Variants in OSTN observed in about 807,000 individuals in gnomAD.
The protein encoded by OSTN is osteocrin.
Under a neutral mutation model 12.0 loss-of-function variants are expected in OSTN, and 9 were observed. That is an observed-to-expected ratio of 0.75 (90% CI 0.45 to 1.30). The LOEUF is 1.30. OSTN is among the 50% of genes most tolerant of loss of function. The probability of loss-of-function intolerance (pLI) is 0.00; values close to 1 mark genes in which losing one functional copy is unlikely to be tolerated. For synonymous variants in OSTN, 59 were observed against 56.9 expected, an observed-to-expected ratio of 1.04 and a Z score of -0.16; for missense variants, 148 against 152.3, an observed-to-expected ratio of 0.97 and a Z score of 0.15.
chr3:191,240,012 C>T (rs1171690430), intron 3 of OSTN, among the ~76,000 whole-genome samples: 1 of 152,158 alleles, frequency 6.6e-6, no homozygotes, highest in African/African-American at 2.4e-5. Context: ...GCTTGATCAG[C>T]AATAAAAATG....
intron 3 of OSTN, among the ~76,000 whole-genome samples, chr3:191,234,942 G>A (rs571029147): frequency 6.6e-6 from 1 of 152,238 alleles, no homozygotes; most frequent in Admixed American, 6.5e-5. Context: ...AAAGTAGGGT[G>A]AGAAAAGGCA....
Position 191,215,390 on chromosome 3 carries a change from G to T in OSTN, c.102+2756G>T, listed in dbSNP as rs180774029. ...GCCACTTGCCCCTCCCAAATCTCAGGTCCTCACATTTCAAAACACAATCAT... is the reference window on the plus strand; with the variant it reads ...GCCACTTGCCCCTCCCAAATCTCAGTTCCTCACATTTCAAAACACAATCAT... On this transcript the variant is annotated intron_variant, in intron 2 of 4. Coordinates refer to ENST00000682035, the MANE Select transcript of OSTN (RefSeq NM_198184.2). 1.9e-3 allele frequency among the ~76,000 whole-genome samples: 290 copies of T among 152,164 alleles called. 1 individual carries two copies. The highest frequency in any genetic ancestry group is 6.5e-3 in the African/African-American group (270 of 41,524).
chr3:191,207,387 GTT>G (rs35631602), intron 1 of OSTN, among the ~76,000 whole-genome samples: 2 of 149,426 alleles, frequency 1.3e-5, no homozygotes, highest in East Asian at 1.9e-4. Flanking sequence ...CACCTGAGTT[GTT>G]TTTTTTTTGT....
In OSTN at chr3:191,265,539, A is replaced by T. The variant is rs937724771; in HGVS notation, c.*2686A>T. ...TATAAAAAGCTTTCTGAATGATATT[A>T]CCCCTTATACCTAAAGGCTCAAGAT... is the stretch of plus-strand genomic sequence containing the variant. On this transcript the variant is annotated 3_prime_UTR_variant, in exon 5 of 5. Coordinates refer to ENST00000682035, the MANE Select transcript of OSTN (RefSeq NM_198184.2). 6.6e-6 allele frequency: 1 copy of T among 152,182 alleles called. No individual in the cohort carries two copies. The highest frequency in any genetic ancestry group is 2.1e-4 in the South Asian group (1 of 4,824). The allele number at this position is 152,182 out of a possible 1,614,324, so 9.4% of individuals were successfully genotyped here. A position where few individuals can be genotyped will look rare whatever the true frequency, so the allele number is the denominator to read the frequency against.
At position 191,263,860 on chromosome 3, in the gene OSTN, G is replaced by A. The variant is rs987144385; in HGVS notation, c.*1007G>A. On this transcript the variant is annotated 3_prime_UTR_variant, in exon 5 of 5. Coordinates refer to ENST00000682035, the MANE Select transcript of OSTN (RefSeq NM_198184.2). The stretch of plus-strand genomic sequence containing the variant: ...TTATTAAAACATAAGTTTTCGTATT[G>A]TAGAAAACTCAGTTCTCAGTAATAA... 4.6e-5 allele frequency: 7 copies of A among 152,028 alleles called. No individual in the cohort carries two copies. The highest frequency in any genetic ancestry group is 2.0e-4 in the Admixed American group (3 of 15,248). 9.4% of individuals were successfully genotyped at this position (152,028 alleles called of 1,614,324 possible).
intron 1 of OSTN, among the ~76,000 whole-genome samples, chr3:191,210,126 C>T (rs542190131): frequency 6.6e-6 from 1 of 152,180 alleles, no homozygotes; most frequent in African/African-American, 2.4e-5. Flanking sequence ...GAAGCAGGCA[C>T]GTCTTCACAT....
chr3:191,251,721 C>T lies in OSTN; in HGVS notation c.*12+1588C>T, dbSNP rs181440083. Among the ~76,000 whole-genome samples, 203 of 152,346 alleles carry T rather than the reference C, an allele frequency of 1.3e-3. 1 individual carries two copies. Among genetic ancestry groups the T allele is most frequent in the Non-Finnish European group, 2.6e-3 (179 of 68,034 alleles). On this transcript the variant is annotated intron_variant, in intron 4 of 4. Transcript: ENST00000682035. ...AGAACTTACTGAATACTGCCAAGAA[C>T]ACTGCCTTTTAATCAGCATCATCTT...
chr3:191,259,013 C>T (rs554424900), intron 4 of OSTN, among the ~76,000 whole-genome samples: 1 of 152,028 alleles, frequency 6.6e-6, no homozygotes, highest in Non-Finnish European at 1.5e-5. Context: ...AGGTTGCCTA[C>T]GACGCTTAAA....
chr3:191,223,972 T>C (rs1714841184), intron 3 of OSTN, among the ~76,000 whole-genome samples: 1 of 151,798 alleles, frequency 6.6e-6, no homozygotes. Flanking sequence ...GGATGGATAA[T>C]AGTAAAAGAA....
chr3:191,244,415 A>G (rs1226493984), intron 3 of OSTN, among the ~76,000 whole-genome samples: 3 of 151,626 alleles, frequency 2.0e-5, no homozygotes, highest in Non-Finnish European at 2.9e-5. Context: ...TTAAATGCAT[A>G]TATCATATAA....
chr3:191,258,785 C>A (rs986171314), intron 4 of OSTN, among the ~76,000 whole-genome samples: 1 of 152,094 alleles, frequency 6.6e-6, no homozygotes, highest in African/African-American at 2.4e-5. Flanking sequence ...GTGTTTAAAC[C>A]GCACCGTTGT....
chr3:191,231,029 AT>A (rs1488072505), intron 3 of OSTN, among the ~76,000 whole-genome samples: 8 of 152,060 alleles, frequency 5.3e-5, no homozygotes, highest in East Asian at 1.9e-4. Context: ...CTATATTTTT[AT>A]TTTTTATAGT....
At chr3:191,224,652 C>T (rs774693157) in intron 3 of OSTN, among the ~76,000 whole-genome samples, 2 of 152,054 alleles carry the variant, frequency 1.3e-5, no homozygotes, top group Middle Eastern at 3.5e-3. Flanking sequence ...AAAACAATCA[C>T]TAACTGAAAT....
chr3:191,207,016 G>T (rs1321810344), intron 1 of OSTN, among the ~76,000 whole-genome samples: 1 of 152,114 alleles, frequency 6.6e-6, no homozygotes, highest in African/African-American at 2.4e-5. Context: ...GGTGTTGTCG[G>T]CAGGCACGCA....
intron 1 of OSTN, among the ~76,000 whole-genome samples, chr3:191,201,432 G>A (rs931820681): frequency 3.3e-4 from 50 of 151,558 alleles, no homozygotes; most frequent in African/African-American, 1.2e-3. Context: ...ATATTCCCAG[G>A]GTACCTAAGG....
rs1244234285 is a variant in OSTN at position 191,264,926 on chromosome 3, T to A, written c.*2073T>A. On this transcript the variant is annotated 3_prime_UTR_variant, in exon 5 of 5. Coordinates refer to ENST00000682035, the MANE Select transcript of OSTN (RefSeq NM_198184.2). ...ACTTAATTAAAATAAGAAGTCACAA[T>A]ATAGTGATTTATGCTATAGTTTCAT... is the stretch of plus-strand genomic sequence containing the variant. 1 of 151,848 alleles carries A rather than the reference T, an allele frequency of 6.6e-6. No homozygotes were observed. The highest frequency in any genetic ancestry group is 1.5e-5 in the Non-Finnish European group (1 of 67,896). 9.4% of individuals were successfully genotyped at this position (151,848 alleles called of 1,614,324 possible).
chr3:191,213,075 T>A (rs1714506622), intron 2 of OSTN, among the ~76,000 whole-genome samples: 1 of 151,808 alleles, frequency 6.6e-6, no homozygotes, highest in African/African-American at 2.4e-5. Flanking sequence ...TTCACCATAT[T>A]GGCCAGGCTG....
In OSTN at chr3:191,250,152, A is replaced by C; in HGVS notation, c.*12+19A>C. ...TCCAATTGTGAGTACAATTTGAATA[A>C]GTAACAGTATATGCAGGTATTTGAT... On this transcript the variant is annotated intron_variant, in intron 4 of 4. Coordinates refer to ENST00000682035, the MANE Select transcript of OSTN (RefSeq NM_198184.2). 6.6e-7 allele frequency: 1 copy of C among 1,518,716 alleles called. No individual in the cohort carries two copies. Among genetic ancestry groups the C allele is most frequent in the East Asian group, 2.3e-5 (1 of 44,384 alleles). 94.1% of individuals were successfully genotyped at this position (1,518,716 alleles called of 1,614,324 possible).
chr3:191,225,104 A>C (rs949873890), intron 3 of OSTN, among the ~76,000 whole-genome samples: 1 of 152,114 alleles, frequency 6.6e-6, no homozygotes, highest in Non-Finnish European at 1.5e-5. Flanking sequence ...AAAAAGTAGA[A>C]AGTAAATTTA....
Sources: allele counts gnomAD v4.1 joint callset (sites outside exome capture counted in the v4.1 genomes callset), GRCh38; gene constraint gnomAD v4.1.1; transcripts MANE v1.5; gene names NCBI Gene and HGNC (gene_info 2026-07-23, HGNC 2026-07-21).